The following GALNT14 variants were observed in gnomAD, a reference collection of about 807,000 sequenced individuals.
The protein encoded by GALNT14 is UDP-GalNAc:polypeptide N-acetylgalactosaminyltransferase 14.
GALNT14 carries 60 observed loss-of-function variants against 77.5 expected under a neutral mutation model. The ratio of observed to expected loss-of-function variants is 0.77; its 90% CI spans 0.63 to 0.96. The LOEUF (loss-of-function observed/expected upper bound fraction) is 0.96, where lower values mean the gene tolerates loss of function less well. Among genes scored for constraint, GALNT14 ranks in the 40% least tolerant of loss-of-function variants. The pLI is 0.00. For missense variants in GALNT14, 710 were observed against 731.0 expected (o/e 0.97, Z 0.33); for synonymous variants, 280 against 281.7 (o/e 0.99, Z 0.06).
chr2:31,090,343 T>C (rs1676664917), intron 1 of GALNT14, among the ~76,000 whole-genome samples: 1 of 152,198 alleles, frequency 6.6e-6, no homozygotes, highest in Non-Finnish European at 1.5e-5. Context: ...GATTCACCTG[T>C]ATTTCCTTCT....
intron 1 of GALNT14, among the ~76,000 whole-genome samples, chr2:31,081,779 A>C (rs940808101): frequency 6.6e-6 from 1 of 152,192 alleles, no homozygotes; most frequent in African/African-American, 2.4e-5. Context: ...AGAGTTGTGA[A>C]GACTGTGCAT....
intron 1 of GALNT14, among the ~76,000 whole-genome samples, chr2:31,038,598 C>T (rs1030605341): frequency 3.3e-5 from 5 of 152,060 alleles, no homozygotes; most frequent in Non-Finnish European, 7.4e-5. Context: ...TCCATTCTGC[C>T]CCCTCTAGTG....
intron 8 of GALNT14, among the ~76,000 whole-genome samples, chr2:30,942,726 AGAG>A (rs1666455691): frequency 6.6e-6 from 1 of 152,164 alleles, no homozygotes; most frequent in Non-Finnish European, 1.5e-5. Context: ...CCGACCACGC[AGAG>A]GAGAAGGGCT....
intron 1 of GALNT14, among the ~76,000 whole-genome samples, chr2:31,063,676 T>C (rs535901091): frequency 6.6e-6 from 1 of 152,344 alleles, no homozygotes; most frequent in Non-Finnish European, 1.5e-5. Context: ...ACGATATTGA[T>C]TCTTCCTATC....
intron 1 of GALNT14, among the ~76,000 whole-genome samples, chr2:31,034,904 C>A (rs1440510108): frequency 6.6e-6 from 1 of 152,106 alleles, no homozygotes; most frequent in African/African-American, 2.4e-5. Flanking sequence ...TGTGAATTTC[C>A]CAAATATCCT....
chr2:30,893,387 A>T, the GALNT14 span, among the ~76,000 whole-genome samples: 1 of 152,256 alleles, frequency 6.6e-6, no homozygotes, highest in East Asian at 1.9e-4. Flanking sequence ...AGCGAAAAAA[A>T]TACTGAGGCT....
intron 1 of GALNT14, 52 bp from the exon 2 acceptor site, chr2:30,993,059 G>GC: frequency 6.3e-6 from 10 of 1,579,054 alleles, no homozygotes; most frequent in Non-Finnish European, 8.6e-6. Context: ...TCCTCCACTA[G>GC]CCCCCGTCTG....
At chr2:30,896,382 C>G in the GALNT14 span, among the ~76,000 whole-genome samples, 16 of 152,202 alleles carry the variant, frequency 1.1e-4, no homozygotes, top group Admixed American at 1.3e-4. Flanking sequence ...GCAGCAGAGC[C>G]TAGAACCAGA....
chr2:31,041,536 C>T (rs947466404), intron 1 of GALNT14, among the ~76,000 whole-genome samples: 2 of 152,058 alleles, frequency 1.3e-5, no homozygotes, highest in Non-Finnish European at 2.9e-5. Flanking sequence ...GGCTGTCCCT[C>T]ATGGTACATG....
chr2:30,937,765 GA>G (rs928934157), intron 9 of GALNT14, among the ~76,000 whole-genome samples: 12 of 152,178 alleles, frequency 7.9e-5, no homozygotes, highest in African/African-American at 2.9e-4. Context: ...ACGCATCTGG[GA>G]AATCCCTTTG....
Position 30,945,793 on chromosome 2 carries a change from C to T in GALNT14, c.732G>A (p.Glu244=). The T allele has an allele frequency of 1.9e-6, 3 of 1,614,102 alleles. No individual in the cohort carries two copies. Among genetic ancestry groups the T allele is most frequent in the Non-Finnish European group, 2.5e-6 (3 of 1,179,938 alleles). ...GTTAGCCCAACTCACCCCCTCTGAG[C>T]TCCGAGGCAGACTCGATGTAGGTGA... ...DTFTYIESAS[E]LRGGFDWSLH... Residue 244 remains glutamate (E), a synonymous_variant, in exon 7 of 15, where the codon GAG becomes GAA. Coordinates refer to ENST00000349752, the MANE Select transcript of GALNT14 (RefSeq NM_024572.4).
intron 1 of GALNT14, among the ~76,000 whole-genome samples, chr2:31,056,678 G>A (rs1276883886): frequency 6.6e-6 from 1 of 152,112 alleles, no homozygotes; most frequent in East Asian, 1.9e-4. Context: ...GTATTATAAA[G>A]GACACAAATT....
At chr2:30,942,404 G>A in intron 8 of GALNT14, 100 bp from the exon 9 acceptor site, 1 of 844,846 alleles carries the variant, frequency 1.2e-6, no homozygotes, top group Non-Finnish European at 1.9e-6. Context: ...TTCCCATTTG[G>A]GGAAAGAAAA....
chr2:31,036,874 A>G (rs1256389385), intron 1 of GALNT14, among the ~76,000 whole-genome samples: 1 of 152,194 alleles, frequency 6.6e-6, no homozygotes, highest in Admixed American at 6.5e-5. Flanking sequence ...TGTTAATCTT[A>G]CTGAGAATCC....
At chr2:30,916,861 G>A (rs1262358563) in intron 13 of GALNT14, among the ~76,000 whole-genome samples, 1 of 151,886 alleles carries the variant, frequency 6.6e-6, no homozygotes, top group Non-Finnish European at 1.5e-5. Flanking sequence ...GGTGGATCAC[G>A]AGGTCAGGAG....
chr2:30,997,068 G>T (rs559346293), intron 1 of GALNT14, among the ~76,000 whole-genome samples: 118 of 152,188 alleles, frequency 7.8e-4, no homozygotes, highest in Non-Finnish European at 1.4e-3. Context: ...CCCTATATGT[G>T]CAGGGCAGGA....
Position 31,086,739 on chromosome 2 carries a change from T to C in GALNT14, c.129+51219A>G, listed in dbSNP as rs138031456. Among the ~76,000 whole-genome samples, 287 of 152,300 alleles carry C rather than the reference T, an allele frequency of 1.9e-3. 4 individuals carry two copies. Among genetic ancestry groups the C allele is most frequent in the African/African-American group, 6.6e-3 (273 of 41,562 alleles). On this transcript the variant is annotated intron_variant, in intron 1 of 14. Transcript: ENST00000349752. ...TGAGATTTATTATTTAGTCCTCCCG[T>C]ACCTAAGGAATGGTTGGTGCACTAC... is the stretch of plus-strand genomic sequence containing the variant.
chr2:31,025,274 C>T (rs1483771884), intron 1 of GALNT14, among the ~76,000 whole-genome samples: 3 of 152,148 alleles, frequency 2.0e-5, no homozygotes, highest in African/African-American at 7.2e-5. Context: ...GCCTCGATCC[C>T]ATTGCAAGAC....
intron 3 of GALNT14, among the ~76,000 whole-genome samples, chr2:30,963,933 C>T (rs1379887579): frequency 1.3e-5 from 2 of 152,166 alleles, no homozygotes; most frequent in Non-Finnish European, 2.9e-5. Context: ...GATACTGAGC[C>T]ATTGGGAGGT....
Sources: allele counts gnomAD v4.1 joint callset (sites outside exome capture counted in the v4.1 genomes callset), GRCh38; gene constraint gnomAD v4.1.1; transcripts MANE v1.5; gene names NCBI Gene and HGNC (gene_info 2026-07-23, HGNC 2026-07-21).